The following ADCYAP1R1 variants were observed in gnomAD, a reference collection of about 807,000 sequenced individuals.
ADCYAP1R1 encodes pituitary adenylate cyclase-activating polypeptide type I receptor.
ADCYAP1R1 carries 44 observed loss-of-function variants against 67.6 expected under a neutral mutation model. That is an observed-to-expected ratio of 0.65 (90% confidence interval 0.51 to 0.84). The LOEUF (loss-of-function observed/expected upper bound fraction) is 0.84, where lower values mean the gene tolerates loss of function less well. Ranked by LOEUF, ADCYAP1R1 falls within the 40% of genes least tolerant of loss-of-function variation. The pLI, the probability that ADCYAP1R1 is intolerant of heterozygous loss-of-function variation, is 0.00. For missense variants in ADCYAP1R1, 477 were observed against 587.9 expected, an observed-to-expected ratio of 0.81 and a Z score of 1.95; for synonymous variants, 222 against 219.6, an observed-to-expected ratio of 1.01 and a Z score of -0.10.
chr7:31,099,520 G>A (rs1309690922), intron 13 of ADCYAP1R1, among the ~76,000 whole-genome samples: 1 of 152,180 alleles, frequency 6.6e-6, no homozygotes, highest in African/African-American at 2.4e-5. Context: ...CATTCAATCT[G>A]ACTTACCTCT....
intron 3 of ADCYAP1R1, among the ~76,000 whole-genome samples, chr7:31,067,690 C>T (rs894230846): frequency 2.6e-5 from 4 of 152,216 alleles, no homozygotes; most frequent in East Asian, 3.9e-4. Context: ...CAGCACCCCC[C>T]CGGGCGCAGC....
intron 3 of ADCYAP1R1, among the ~76,000 whole-genome samples, chr7:31,075,688 T>C (rs1795180740): frequency 6.6e-6 from 1 of 151,974 alleles, no homozygotes; most frequent in Admixed American, 6.5e-5. Context: ...GTAAATACCA[T>C]GTTAAGGATT....
At chr7:31,059,272 A>C (rs1323226836) in intron 1 of ADCYAP1R1, among the ~76,000 whole-genome samples, 1 of 152,198 alleles carries the variant, frequency 6.6e-6, no homozygotes, top group Non-Finnish European at 1.5e-5. Flanking sequence ...TATGAGATAG[A>C]CATTAATATT....
intron 5 of ADCYAP1R1, among the ~76,000 whole-genome samples, chr7:31,081,319 A>G (rs1795501715): frequency 1.3e-5 from 2 of 152,166 alleles, no homozygotes; most frequent in African/African-American, 2.4e-5. Flanking sequence ...TCGAGCACCA[A>G]AAAGGAAACC....
Position 31,085,319 on chromosome 7 carries a change from C to A in ADCYAP1R1, c.546C>A (p.His182Gln). ...TGGCCCACTCATGTAGGAAGCTGCA[C>A]TGCACACGCAACTTCATCCACATGA... Reference protein sequence around the residue: ...MVILCRFRKLHCTRNFIHMNL... With the variant: ...MVILCRFRKLQCTRNFIHMNL... Residue 182 changes from histidine (H) to glutamine (Q), a missense_variant, in exon 9 of 16, where the codon CAC (histidine) becomes CAA (glutamine). Coordinates refer to ENST00000304166, the MANE Select transcript of ADCYAP1R1 (RefSeq NM_001118.5). 6.2e-7 allele frequency: 1 copy of A among 1,613,756 alleles called. No homozygotes were observed.
At chr7:31,080,754 C>T (rs1053640785) in intron 5 of ADCYAP1R1, 121 bp downstream of exon 5, 6 of 1,022,196 alleles carry the variant, frequency 5.9e-6, no homozygotes, top group African/African-American at 3.2e-5. Flanking sequence ...AAGAGGCTCA[C>T]TGGGTATCAG....
At chr7:31,106,359 C>A in intron 15 of ADCYAP1R1, 137 bp from the exon 16 acceptor site, 1 of 1,080,526 alleles carries the variant, frequency 9.3e-7, no homozygotes, top group South Asian at 1.8e-5. Context: ...ACCTTGAGGG[C>A]CGCAGGCTGC....
At chr7:31,060,686 G>A (rs1794463441) in intron 1 of ADCYAP1R1, among the ~76,000 whole-genome samples, 2 of 152,016 alleles carry the variant, frequency 1.3e-5, no homozygotes, top group Non-Finnish European at 2.9e-5. Context: ...GTGTATTTGT[G>A]TGTGTTTGTG....
chr7:31,110,217 T>G lies in ADCYAP1R1; in HGVS notation c.*3533T>G, dbSNP rs1008392265. 3 of 151,726 alleles carry G rather than the reference T, an allele frequency of 2.0e-5. No individual in the cohort carries two copies. Among genetic ancestry groups the G allele is most frequent in the African/African-American group, 7.3e-5 (3 of 41,266 alleles). 9.4% of individuals were successfully genotyped at this position (151,726 alleles called of 1,614,324 possible). A position where few individuals can be genotyped will look rare whatever the true frequency, so the allele number is the denominator to read the frequency against. ...GTGAAGCCAGCAAAGTGATAATACT[T>G]TATCATTTAGTATTATCATAAAGTA... On this transcript the variant is annotated 3_prime_UTR_variant, in exon 16 of 16. Coordinates refer to ENST00000304166, the MANE Select transcript of ADCYAP1R1 (RefSeq NM_001118.5).
chr7:31,077,391 ATGTGATGTGTGTGGTGTGTG>A (rs1168311694), intron 3 of ADCYAP1R1, among the ~76,000 whole-genome samples: 2 of 127,518 alleles, frequency 1.6e-5, no homozygotes, highest in East Asian at 2.4e-4. Flanking sequence ...AGTGGTGTGT[ATGTGATGTGTGTGGTGTGTG>A]TGTGATGTGT....
intron 1 of ADCYAP1R1, among the ~76,000 whole-genome samples, chr7:31,053,209 G>C (rs1256175883): frequency 6.6e-6 from 1 of 152,246 alleles, no homozygotes; most frequent in Non-Finnish European, 1.5e-5. Context: ...GTAGGGGCCA[G>C]TGTAGAATGC....
chr7:31,082,922 GA>G (rs1795570018), intron 6 of ADCYAP1R1, among the ~76,000 whole-genome samples: 1 of 152,218 alleles, frequency 6.6e-6, no homozygotes, highest in Non-Finnish European at 1.5e-5. Flanking sequence ...TCTAATGCAG[GA>G]AGCGAGGGAC....
At chr7:31,090,563 C>T (rs1308916163) in intron 12 of ADCYAP1R1, among the ~76,000 whole-genome samples, 1 of 152,150 alleles carries the variant, frequency 6.6e-6, no homozygotes, top group African/African-American at 2.4e-5. Flanking sequence ...CATCCCTTGC[C>T]CCGATCCTCC....
intron 3 of ADCYAP1R1, among the ~76,000 whole-genome samples, chr7:31,075,743 C>T (rs1340246123): frequency 6.6e-6 from 1 of 152,072 alleles, no homozygotes; most frequent in Non-Finnish European, 1.5e-5. Flanking sequence ...TGGTGGGGGG[C>T]TTGTGACATG....
rs1264418279 is a variant in ADCYAP1R1, at chr7:31,111,455, A to G, written c.*4771A>G. ...ATGTCAGACTGCTGTAGATGACTCA[A>G]TAAATGTTTTGCCATTTTTCCTGGT... On this transcript the variant is annotated 3_prime_UTR_variant, in exon 16 of 16. Transcript: ENST00000304166. The G allele has an allele frequency of 7.2e-5, 11 of 152,230 alleles. No individual in the cohort carries two copies. Among genetic ancestry groups the G allele is most frequent in the Admixed American group, 6.5e-4 (10 of 15,268 alleles). 9.4% of individuals were successfully genotyped at this position (152,230 alleles called of 1,614,324 possible). A position where few individuals can be genotyped will look rare whatever the true frequency, so the allele number is the denominator to read the frequency against.
rs1319779091 is a variant in ADCYAP1R1 at position 31,063,147 on chromosome 7, G to A, written c.-71-47G>A. 4 of 1,251,088 alleles carry A rather than the reference G, an allele frequency of 3.2e-6. No homozygotes were observed. In the East Asian group the frequency reaches 7.0e-5, roughly 22 times the overall value. The allele number at this position is 1,251,088 out of a possible 1,614,324, so 77.5% of individuals were successfully genotyped here. A position where few individuals can be genotyped will look rare whatever the true frequency, so the allele number is the denominator to read the frequency against. On this transcript the variant is annotated intron_variant, in intron 1 of 15. Transcript: ENST00000304166. ...AGGAAGGGAGGTGGTCTTGCCCCCG[G>A]CCACTGCACTGGGCTCACAGGATTC... is the stretch of plus-strand genomic sequence containing the variant.
chr7:31,074,362 A>G (rs768686840), intron 3 of ADCYAP1R1, among the ~76,000 whole-genome samples: 1 of 152,166 alleles, frequency 6.6e-6, no homozygotes. Context: ...TGGTGCATAG[A>G]TGGTCCCTGG....
intron 1 of ADCYAP1R1, among the ~76,000 whole-genome samples, chr7:31,059,947 G>C (rs750983275): frequency 5.9e-5 from 9 of 152,054 alleles, no homozygotes; most frequent in Non-Finnish European, 1.3e-4. Flanking sequence ...GGACTGTAAT[G>C]GGTGTGGGGA....
rs1307461048 is a variant in ADCYAP1R1, at chr7:31,099,977, T to G, written c.1047-3260T>G. 4 of 716,146 alleles carry G rather than the reference T, an allele frequency of 5.6e-6. No individual in the cohort carries two copies. In the African/African-American group the frequency reaches 7.0e-5, roughly 12 times the overall value. 44.4% of individuals were successfully genotyped at this position (716,146 alleles called of 1,614,324 possible). ...GCGTTTCTCTGTCCAGAGCTGCCCA[T>G]GTCTTGGCCCTTGGCTCCCTCATTC... On this transcript the variant is annotated intron_variant, in intron 13 of 15. Transcript: ENST00000304166.
Sources: gnomAD v4.1 joint callset for allele counts (sites outside exome capture counted in the v4.1 genomes callset) on GRCh38, gnomAD v4.1.1 for gene constraint, MANE v1.5 for transcripts, NCBI Gene and HGNC (gene_info 2026-07-23, HGNC 2026-07-21) for gene names.